Variants in KIFC3 observed in about 807,000 individuals in gnomAD.
KIFC3 encodes kinesin family member C3, also known as kinesin-like protein KIFC3.
In KIFC3, 60 loss-of-function variants were observed where a neutral mutation model predicts 101.8. The ratio of observed to expected loss-of-function variants is 0.59; its 90% CI spans 0.48 to 0.73. KIFC3 has a LOEUF of 0.73. KIFC3 is among the 30% of genes least tolerant of loss of function. KIFC3 has a pLI of 0.00. For synonymous variants in KIFC3, 476 were observed against 482.7 expected, an observed-to-expected ratio of 0.99 and a Z score of 0.18; for missense variants, 966 against 1,137.1, an observed-to-expected ratio of 0.85 and a Z score of 2.16.
At chr16:57,773,803 G>A (rs2051625742) in intron 3 of KIFC3, 1 of 152,194 alleles carries the variant, frequency 6.6e-6, no homozygotes, top group Admixed American at 6.5e-5. Context: ...AAACAAGTCT[G>A]TGTCATCAAA....
At chr16:57,771,479 C>T (rs377040929) in intron 5 of KIFC3, 42 bp from the exon 6 acceptor site, 1 of 1,611,126 alleles carries the variant, frequency 6.2e-7, no homozygotes, top group East Asian at 2.2e-5. Context: ...AAGGGACAGG[C>T]TCACTGTGAG....
intron 1 of KIFC3, among the ~76,000 whole-genome samples, chr16:57,849,305 C>T (rs1447493973): frequency 6.6e-6 from 1 of 152,148 alleles, no homozygotes; most frequent in East Asian, 1.9e-4. Flanking sequence ...AATGTATCCC[C>T]TACAGACCAG....
At chr16:57,763,894 C>G (rs4784855) in intron 12 of KIFC3, among the ~76,000 whole-genome samples, 6,865 of 152,302 alleles carry the variant, frequency 0.045, 285 homozygotes, top group East Asian at 0.14. Context: ...GCCGAGATCC[C>G]TGTGATGATA....
chr16:57,805,672 ACTT>A (rs1555626783), upstream of KIFC3, among the ~76,000 whole-genome samples: 351 of 103,686 alleles, frequency 3.4e-3, no homozygotes, highest in Non-Finnish European at 5.5e-3. Flanking sequence ...ATGCCCATAG[ACTT>A]TTTTTTTTTT....
intron 1 of KIFC3, among the ~76,000 whole-genome samples, chr16:57,834,402 T>C (rs2055646357): frequency 6.6e-6 from 1 of 152,216 alleles, no homozygotes; most frequent in South Asian, 2.1e-4. Flanking sequence ...TTTTACACAT[T>C]ATACAATTCA....
chr16:57,844,250 G>A (rs2055869806), intron 1 of KIFC3, among the ~76,000 whole-genome samples: 1 of 150,698 alleles, frequency 6.6e-6, no homozygotes, highest in Admixed American at 6.6e-5. Flanking sequence ...GCCAACATGG[G>A]GAAGCCCCAT....
rs539082670 is a variant in KIFC3 at position 57,792,713 on chromosome 16, G to A, written c.315+2286C>T. 9.2e-5 allele frequency among the ~76,000 whole-genome samples: 14 copies of A among 151,452 alleles called. No homozygotes were observed. The South Asian group carries it at 1.3e-3, about 14-fold the overall frequency. Reference sequence around the variant, plus strand: ...GCCTGGGCAACATGATGAAACCTCCGTCTCTACAAAAATTACAAAAATTAG... The same window carrying A: ...GCCTGGGCAACATGATGAAACCTCCATCTCTACAAAAATTACAAAAATTAG... On this transcript the variant is annotated intron_variant, in intron 3 of 19. Coordinates refer to ENST00000445690, the MANE Select transcript of KIFC3 (RefSeq NM_001130100.2).
intron 3 of KIFC3, chr16:57,782,157 A>C: frequency 1.0e-6 from 1 of 985,116 alleles, no homozygotes; most frequent in Middle Eastern, 5.2e-4. Flanking sequence ...GATGCACCAC[A>C]CATTACAGTT....
At chr16:57,775,951 G>T in intron 3 of KIFC3, 1 of 985,518 alleles carries the variant, frequency 1.0e-6, no homozygotes, top group Non-Finnish European at 1.2e-6. Flanking sequence ...CTGCTCAAGG[G>T]GAAGAGGGAG....
intron 2 of KIFC3, 93 bp downstream of exon 2, chr16:57,797,979 T>G (rs1283150737): frequency 5.2e-6 from 8 of 1,546,746 alleles, no homozygotes; most frequent in Admixed American, 3.9e-5. Context: ...CAGCTCTGAC[T>G]GGGCTTAGGA....
At chr16:57,773,019 C>A (rs976549178) in intron 3 of KIFC3, among the ~76,000 whole-genome samples, 1 of 152,176 alleles carries the variant, frequency 6.6e-6, no homozygotes, top group Admixed American at 6.5e-5. Flanking sequence ...CCTTCCCCGG[C>A]GCTGTCCTCC....
chr16:57,801,068 T>C (rs1300933839), intron 1 of KIFC3, among the ~76,000 whole-genome samples: 23 of 152,256 alleles, frequency 1.5e-4, no homozygotes, highest in Admixed American at 1.5e-3. Context: ...AGAACAATAC[T>C]GGCATATACA....
chr16:57,775,055 C>T, intron 3 of KIFC3: 3 of 1,517,684 alleles, frequency 2.0e-6, no homozygotes, highest in Non-Finnish European at 2.6e-6. Flanking sequence ...CCAGTGTTTG[C>T]TGGGGGTGGG....
At chr16:57,784,231 C>T (rs114991017) in intron 3 of KIFC3, among the ~76,000 whole-genome samples, 4 of 152,318 alleles carry the variant, frequency 2.6e-5, no homozygotes, top group African/African-American at 4.8e-5. Flanking sequence ...AGGGAGCAGG[C>T]GGGCATGCAG....
chr16:57,829,311 T>C (rs1371798399), intron 1 of KIFC3, among the ~76,000 whole-genome samples: 6 of 152,236 alleles, frequency 3.9e-5, no homozygotes, highest in African/African-American at 9.6e-5. Flanking sequence ...TGGAGTGCAG[T>C]GGCACAATCA....
rs117906765 is a variant in KIFC3, at chr16:57,799,324, C to A, written c.-39-1042G>T. Among the ~76,000 whole-genome samples the A allele has an allele frequency of 6.5e-3, 984 of 152,276 alleles. 8 individuals carry two copies. The highest frequency in any genetic ancestry group is 0.024 in the Middle Eastern group (7 of 294). On this transcript the variant is annotated intron_variant, in intron 1 of 19. Coordinates refer to ENST00000445690, the MANE Select transcript of KIFC3 (RefSeq NM_001130100.2). The stretch of plus-strand genomic sequence containing the variant: ...AAGAAGCGAAGTCAGCTTGGAGAGG[C>A]AACATGGGGTTTTAAGATTGAGGTG...
intron 1 of KIFC3, among the ~76,000 whole-genome samples, chr16:57,853,037 GAAGAC>G (rs1383803097): frequency 1.3e-5 from 2 of 151,878 alleles, no homozygotes; most frequent in African/African-American, 4.8e-5. Flanking sequence ...AGAAAATCCT[GAAGAC>G]AAGGAAAAAA....
chr16:57,771,122 C>T (rs967211390), intron 6 of KIFC3, 76 bp downstream of exon 6: 6 of 1,560,868 alleles, frequency 3.8e-6, no homozygotes, highest in African/African-American at 2.7e-5. Flanking sequence ...CAGGACAAGC[C>T]CCCCTTATGG....
chr16:57,803,500 G>A, upstream of KIFC3: 1 of 421,308 alleles, frequency 2.4e-6, no homozygotes, highest in Non-Finnish European at 4.8e-6. Context: ...TGCTTGTCAG[G>A]GGATGGCCCA....
Sources: allele counts gnomAD v4.1 joint callset (sites outside exome capture counted in the v4.1 genomes callset), GRCh38; gene constraint gnomAD v4.1.1; transcripts MANE v1.5; gene names NCBI Gene and HGNC (gene_info 2026-07-23, HGNC 2026-07-21).